Variants in PTPRD observed in about 807,000 individuals in gnomAD.
PTPRD encodes the protein protein tyrosine phosphatase receptor type D, also known as receptor-type tyrosine-protein phosphatase delta.
PTPRD carries 34 observed loss-of-function variants against 214.5 expected under a neutral mutation model. That is an observed-to-expected ratio of 0.16 (90% confidence interval 0.12 to 0.21). The LOEUF (loss-of-function observed/expected upper bound fraction) is 0.21, where lower values mean the gene tolerates loss of function less well. Ranked by LOEUF, PTPRD falls within the 10% of genes least tolerant of loss-of-function variation. PTPRD has a pLI of 1.00. For synonymous variants in PTPRD, 1,128 were observed against 845.7 expected, an observed-to-expected ratio of 1.33 and a Z score of -5.79; for missense variants, 2,545 against 2,398.7, an observed-to-expected ratio of 1.06 and a Z score of -1.27.
chr9:8,360,226 G>T (rs2078134374), intron 39 of PTPRD, among the ~76,000 whole-genome samples: 1 of 152,224 alleles, frequency 6.6e-6, no homozygotes, highest in East Asian at 1.9e-4. Flanking sequence ...ATTAGGTAAG[G>T]GTGACACAAC....
At chr9:8,564,769 G>A (rs1271219707) in intron 14 of PTPRD, among the ~76,000 whole-genome samples, 4 of 152,066 alleles carry the variant, frequency 2.6e-5, no homozygotes, top group African/African-American at 4.8e-5. Flanking sequence ...AAGAATCTCC[G>A]GAAATTTTTA....
chr9:10,284,922 A>G (rs1038872808), intron 3 of PTPRD, among the ~76,000 whole-genome samples: 2 of 152,220 alleles, frequency 1.3e-5, no homozygotes, highest in Admixed American at 1.3e-4. Flanking sequence ...GCACATTCAC[A>G]CATAGTCTAT....
chr9:10,472,905 T>G (rs1364468379), intron 2 of PTPRD, among the ~76,000 whole-genome samples: 1 of 151,926 alleles, frequency 6.6e-6, no homozygotes, highest in East Asian at 1.9e-4. Context: ...ATTATAGTAT[T>G]TAAAAACAAT....
chr9:8,411,401 TCAAG>T (rs1270460150), intron 35 of PTPRD, among the ~76,000 whole-genome samples: 2 of 152,102 alleles, frequency 1.3e-5, no homozygotes, highest in African/African-American at 4.8e-5. Flanking sequence ...CCTCCCGGGT[TCAAG>T]CAATTCTCCT....
At chr9:8,444,979 T>C (rs900816790) in intron 34 of PTPRD, among the ~76,000 whole-genome samples, 7 of 152,164 alleles carry the variant, frequency 4.6e-5, no homozygotes, top group African/African-American at 1.7e-4. Flanking sequence ...CTTTTATAAG[T>C]GAATATTTTC....
rs1569562662 is a variant in PTPRD, at chr9:9,211,555, ACAC to A, written c.-202-28195_-202-28193del. On this transcript the variant is annotated intron_variant, in intron 9 of 45. Coordinates refer to ENST00000381196, the MANE Select transcript of PTPRD (RefSeq NM_002839.4). ...CACACACACACACACACACACACAC[ACAC>A]AAGAGCTAAGGTTTCTTCTCAATGA... Among the ~76,000 whole-genome samples, 10 of 133,366 alleles carry A rather than the reference ACAC, an allele frequency of 7.5e-5. 1 individual carries two copies. Among genetic ancestry groups the A allele is most frequent in the African/African-American group, 2.7e-4 (10 of 37,642 alleles). The allele number at this position is 133,366 out of a possible 152,430, so 87.5% of individuals were successfully genotyped here. A position where few individuals can be genotyped will look rare whatever the true frequency, so the allele number is the denominator to read the frequency against.
chr9:10,407,419 T>C (rs1293911504), intron 2 of PTPRD, among the ~76,000 whole-genome samples: 2 of 151,548 alleles, frequency 1.3e-5, no homozygotes, highest in Admixed American at 6.6e-5. Context: ...TAAACTTCCA[T>C]GTATTCTAAG....
At chr9:9,089,051 A>C (rs1280694646) in intron 10 of PTPRD, among the ~76,000 whole-genome samples, 1 of 152,154 alleles carries the variant, frequency 6.6e-6, no homozygotes, top group Non-Finnish European at 1.5e-5. Flanking sequence ...CCTAGTAAAA[A>C]GAAGGTCTTT....
chr9:10,520,375 G>A (rs2051759219), intron 2 of PTPRD, among the ~76,000 whole-genome samples: 1 of 152,162 alleles, frequency 6.6e-6, no homozygotes, highest in East Asian at 1.9e-4. Flanking sequence ...TAAGAAAGGT[G>A]ATGAAGCTGA....
intron 6 of PTPRD, among the ~76,000 whole-genome samples, chr9:9,763,938 A>C (rs914762518): frequency 1.3e-5 from 2 of 152,126 alleles, no homozygotes; most frequent in African/African-American, 4.8e-5. Context: ...ATATTTGGCC[A>C]ATTCCTCATT....
At chr9:10,553,140 G>A (rs879869849) in intron 2 of PTPRD, among the ~76,000 whole-genome samples, 3 of 152,042 alleles carry the variant, frequency 2.0e-5, no homozygotes, top group Non-Finnish European at 4.4e-5. Context: ...TTATATTCCT[G>A]TCCATCCAGC....
At chr9:8,746,211 C>G (rs1991932) in intron 11 of PTPRD, among the ~76,000 whole-genome samples, 1 of 152,044 alleles carries the variant, frequency 6.6e-6, no homozygotes, top group Non-Finnish European at 1.5e-5. Flanking sequence ...CTGGTTATCT[C>G]AGTGGAGAGA....
At chr9:9,995,891 T>A (rs112577895) in intron 4 of PTPRD, among the ~76,000 whole-genome samples, 3 of 152,284 alleles carry the variant, frequency 2.0e-5, no homozygotes, top group African/African-American at 7.2e-5. Context: ...ACATTCCACT[T>A]GAACATTATC....
intron 14 of PTPRD, among the ~76,000 whole-genome samples, chr9:8,564,768 C>T (rs566315491): frequency 3.9e-5 from 6 of 152,188 alleles, no homozygotes; most frequent in East Asian, 1.9e-4. Flanking sequence ...CAAGAATCTC[C>T]GGAAATTTTT....
chr9:8,642,871 G>A lies in PTPRD; in HGVS notation c.65-6027C>T, dbSNP rs79820901. On this transcript the variant is annotated intron_variant, in intron 12 of 45. Transcript: ENST00000381196. ...GACAGACAACCTGCCCAAGTCAACA[G>A]CACAACTATACCAACACATGACGAA... 1.2e-3 allele frequency among the ~76,000 whole-genome samples: 185 copies of A among 152,304 alleles called. 2 individuals carry two copies. The highest frequency in any genetic ancestry group is 4.3e-3 in the African/African-American group (179 of 41,560).
intron 9 of PTPRD, among the ~76,000 whole-genome samples, chr9:9,384,118 T>C (rs1010925027): frequency 6.6e-6 from 1 of 151,566 alleles, no homozygotes; most frequent in African/African-American, 2.4e-5. Flanking sequence ...TCACATACTT[T>C]TTTTTTTGCT....
chr9:9,673,773 C>T (rs558698439), intron 7 of PTPRD, among the ~76,000 whole-genome samples: 1 of 149,204 alleles, frequency 6.7e-6, no homozygotes, highest in East Asian at 1.9e-4. Context: ...GGTAGAAATA[C>T]AGAAACCCCA....
chr9:8,819,405 G>A (rs2096995001), intron 11 of PTPRD, among the ~76,000 whole-genome samples: 1 of 152,100 alleles, frequency 6.6e-6, no homozygotes, highest in Non-Finnish European at 1.5e-5. Context: ...GCTCACACCT[G>A]TAATCCCAGC....
rs570964921 is a variant in PTPRD at position 8,588,220 on chromosome 9, G to C, written c.352+45097C>G. Among the ~76,000 whole-genome samples the C allele has an allele frequency of 3.3e-5, 5 of 152,322 alleles. No individual in the cohort carries two copies. The East Asian group carries it at 9.6e-4, about 29-fold the overall frequency. The stretch of plus-strand genomic sequence containing the variant: ...TTTGGAGGGTTCTTGTTACAGAAGA[G>C]CTTCATTAACTTAATTAGGCATGAT... On this transcript the variant is annotated intron_variant, in intron 14 of 45. Coordinates refer to ENST00000381196, the MANE Select transcript of PTPRD (RefSeq NM_002839.4).
Sources: gnomAD v4.1 joint callset for allele counts (sites outside exome capture counted in the v4.1 genomes callset) on GRCh38, gnomAD v4.1.1 for gene constraint, MANE v1.5 for transcripts, NCBI Gene and HGNC (gene_info 2026-07-23, HGNC 2026-07-21) for gene names.